The following LRRFIP2 variants were observed in gnomAD, a reference collection of about 807,000 sequenced individuals.
LRRFIP2 encodes LRR binding FLII interacting protein 2.
LRRFIP2 carries 109 observed loss-of-function variants against 125.9 expected under a neutral mutation model. The ratio of observed to expected loss-of-function variants is 0.87; its 90% CI spans 0.74 to 1.01. LRRFIP2 has a LOEUF of 1.01. LRRFIP2 is among the 50% of genes least tolerant of loss of function. LRRFIP2 has a pLI of 0.00. For synonymous variants in LRRFIP2, 291 were observed against 293.1 expected (o/e 0.99, Z 0.07); for missense variants, 850 against 862.3 (o/e 0.99, Z 0.18).
At chr3:37,174,849 T>C (rs1383142351), upstream of LRRFIP2, 3 of 152,258 alleles carry the variant, frequency 2.0e-5, no homozygotes, top group Non-Finnish European at 2.9e-5. Context: ...AATTTTCAGA[T>C]TCATAGCAAT....
At chr3:37,135,805 G>A (rs540692981) in intron 2 of LRRFIP2, among the ~76,000 whole-genome samples, 1 of 152,276 alleles carries the variant, frequency 6.6e-6, no homozygotes, top group South Asian at 2.1e-4. Flanking sequence ...AACTAAAATT[G>A]GCAAGGATGT....
intron 18 of LRRFIP2, among the ~76,000 whole-genome samples, chr3:37,084,493 C>G (rs2092894251): frequency 6.6e-6 from 1 of 151,796 alleles, no homozygotes; most frequent in Admixed American, 6.6e-5. Context: ...AAAAACCTGT[C>G]TCTGTAAAAA....
chr3:37,133,677 G>C (rs1050384197), intron 2 of LRRFIP2, among the ~76,000 whole-genome samples: 1 of 152,046 alleles, frequency 6.6e-6, no homozygotes, highest in Non-Finnish European at 1.5e-5. Context: ...AATGAGTACA[G>C]AGTTCCAGTA....
intron 22 of LRRFIP2, 46 bp downstream of exon 22, chr3:37,066,178 G>C (rs771047144): frequency 1.3e-6 from 2 of 1,494,530 alleles, no homozygotes; most frequent in South Asian, 1.1e-5. Flanking sequence ...GGAAGATAGA[G>C]AGTAAAACAG....
At chr3:37,129,883 C>T (rs766555895) in intron 2 of LRRFIP2, among the ~76,000 whole-genome samples, 1 of 152,120 alleles carries the variant, frequency 6.6e-6, no homozygotes, top group African/African-American at 2.4e-5. Context: ...ATCCCAGCTA[C>T]TTGGGTGGCT....
At chr3:37,087,829 T>C (rs113962960) in intron 18 of LRRFIP2, among the ~76,000 whole-genome samples, 3,830 of 151,326 alleles carry the variant, frequency 0.025, 68 homozygotes, top group Non-Finnish European at 0.038. Flanking sequence ...CCTCAGGTGA[T>C]CCACCCACCT....
intron 15 of LRRFIP2, among the ~76,000 whole-genome samples, chr3:37,102,083 C>T (rs1301125390): frequency 6.6e-6 from 1 of 152,194 alleles, no homozygotes; most frequent in Admixed American, 6.5e-5. Context: ...GTCTACCTAT[C>T]ACTTTATAGA....
intron 3 of LRRFIP2, 102 bp downstream of exon 3, chr3:37,128,961 T>C: frequency 1.9e-6 from 2 of 1,034,164 alleles, no homozygotes; most frequent in Non-Finnish European, 3.0e-6. Context: ...TTTATACTAT[T>C]TTCAATGTTT....
chr3:37,128,472 A>T (rs2095344401), intron 3 of LRRFIP2, among the ~76,000 whole-genome samples: 1 of 152,300 alleles, frequency 6.6e-6, no homozygotes, highest in South Asian at 2.1e-4. Flanking sequence ...AAAGTTTGTA[A>T]ATTATAGAAA....
At chr3:37,152,841 A>T (rs2096070598) in intron 1 of LRRFIP2, among the ~76,000 whole-genome samples, 1 of 152,218 alleles carries the variant, frequency 6.6e-6, no homozygotes, top group Admixed American at 6.5e-5. Flanking sequence ...CTAGATTGAC[A>T]ATTTAGTGAA....
intron 6 of LRRFIP2, among the ~76,000 whole-genome samples, chr3:37,119,008 T>C (rs2094910810): frequency 6.6e-6 from 1 of 152,210 alleles, no homozygotes; most frequent in African/African-American, 2.4e-5. Context: ...ACAATATTAT[T>C]TGGGTAAAAC....
At chr3:37,075,898 A>G (rs13083643) in intron 19 of LRRFIP2, among the ~76,000 whole-genome samples, 19 of 152,178 alleles carry the variant, frequency 1.2e-4, no homozygotes, top group African/African-American at 4.1e-4. Flanking sequence ...TAAATATACA[A>G]ATATATTTAA....
rs1178684016 is a variant in LRRFIP2, at chr3:37,128,964, C to T, written c.177+99G>A. 6.6e-6 allele frequency: 7 copies of T among 1,061,992 alleles called. No individual in the cohort carries two copies. The East Asian group carries it at 1.7e-4, about 25-fold the overall frequency. 65.8% of individuals were successfully genotyped at this position (1,061,992 alleles called of 1,614,324 possible). ...TACATACATCAGTTTATACTATTTTCAATGTTTCAAAGGAAACCAGATTCA... is the reference window on the plus strand; with the variant it reads ...TACATACATCAGTTTATACTATTTTTAATGTTTCAAAGGAAACCAGATTCA... On this transcript the variant is annotated intron_variant, in intron 3 of 27. Coordinates refer to ENST00000336686, the MANE Select transcript of LRRFIP2 (RefSeq NM_006309.4).
At chr3:37,058,368 T>G (rs1378114539) in intron 25 of LRRFIP2, among the ~76,000 whole-genome samples, 3 of 152,130 alleles carry the variant, frequency 2.0e-5, no homozygotes, top group Non-Finnish European at 4.4e-5. Flanking sequence ...GCAGCATAGC[T>G]CTTCTTAAGA....
At chr3:37,109,798 A>G in intron 9 of LRRFIP2, 95 bp from the exon 10 acceptor site, 1 of 1,025,102 alleles carries the variant, frequency 9.8e-7, no homozygotes, top group Non-Finnish European at 1.5e-6. Flanking sequence ...TTATGATTTT[A>G]TACTCCATAA....
At chr3:37,108,764 A>G in intron 11 of LRRFIP2, 80 bp from the exon 12 acceptor site, 4 of 1,221,794 alleles carry the variant, frequency 3.3e-6, no homozygotes, top group Non-Finnish European at 4.8e-6. Context: ...CACAATACTC[A>G]GTACCAAAAA....
Position 37,096,686 on chromosome 3 carries a change from A to G in LRRFIP2, c.874-26T>C, listed in dbSNP as rs1433468147. The G allele has an allele frequency of 3.5e-6, 5 of 1,436,850 alleles. No homozygotes were observed. In the South Asian group the frequency reaches 5.0e-5, roughly 14 times the overall value. The allele number at this position is 1,436,850 out of a possible 1,614,324, so 89.0% of individuals were successfully genotyped here. On this transcript the variant is annotated intron_variant, in intron 15 of 27. Coordinates refer to ENST00000336686, the MANE Select transcript of LRRFIP2 (RefSeq NM_006309.4). ...CTAGAAAAGAACAAAGATAAAAATC[A>G]GTAAAGATGCTTAGCAAGTTGACTT... is the stretch of plus-strand genomic sequence containing the variant.
At chr3:37,093,890 C>G (rs1384277889) in intron 17 of LRRFIP2, among the ~76,000 whole-genome samples, 1 of 152,170 alleles carries the variant, frequency 6.6e-6, no homozygotes, top group African/African-American at 2.4e-5. Flanking sequence ...TTTGAGGAAG[C>G]CTTCCCCCTT....
chr3:37,169,739 A>G (rs1363293909), intron 1 of LRRFIP2, among the ~76,000 whole-genome samples: 1 of 152,226 alleles, frequency 6.6e-6, no homozygotes, highest in Admixed American at 6.5e-5. Context: ...AGCAGTAAAG[A>G]TATCTGTTAT....
Sources: gnomAD v4.1 joint callset for allele counts (sites outside exome capture counted in the v4.1 genomes callset) on GRCh38, gnomAD v4.1.1 for gene constraint, MANE v1.5 for transcripts, NCBI Gene and HGNC (gene_info 2026-07-23, HGNC 2026-07-21) for gene names.